Variants in FAM13A observed in about 807,000 individuals in gnomAD.
FAM13A encodes family with sequence similarity 13 member A.
In FAM13A, 76 loss-of-function variants were observed where a neutral mutation model predicts 129.6. The observed-to-expected ratio is 0.59, with a 90% confidence interval of 0.49 to 0.71. The LOEUF (loss-of-function observed/expected upper bound fraction) is 0.71. Among genes scored for constraint, FAM13A ranks in the 30% least tolerant of loss-of-function variants. The pLI, the probability that FAM13A is intolerant of heterozygous loss-of-function variation, is 0.00. For synonymous variants in FAM13A, 443 were observed against 449.9 expected (o/e 0.98, Z 0.20); for missense variants, 1,108 against 1,249.3 (o/e 0.89, Z 1.70).
intron 6 of FAM13A, among the ~76,000 whole-genome samples, chr4:88,858,037 T>C (rs1223890034): frequency 6.6e-6 from 1 of 152,234 alleles, no homozygotes; most frequent in Non-Finnish European, 1.5e-5. Context: ...AATCTGCCAC[T>C]TAAAAATAGT....
intron 13 of FAM13A, among the ~76,000 whole-genome samples, chr4:88,764,580 T>C (rs572211564): frequency 6.6e-6 from 1 of 152,262 alleles, no homozygotes; most frequent in South Asian, 2.1e-4. Context: ...ATCTAGAAAT[T>C]GCTAGTTTTA....
chr4:88,749,679 C>T (rs927022821), intron 16 of FAM13A, 92 bp downstream of exon 16: 1 of 1,371,970 alleles, frequency 7.3e-7, no homozygotes, highest in Non-Finnish European at 1.0e-6. Context: ...TAGAAGCCTC[C>T]CTTAACCTTT....
rs929875229 is a variant in FAM13A at position 88,851,144 on chromosome 4, T to C, written c.883A>G (p.Arg295Gly). Residue 295 changes from arginine (R) to glycine (G), a missense_variant, in exon 7 of 24, where the codon AGA becomes GGA. Physicochemically the swap from Arg to Gly is moderately radical, Grantham distance 125. Coordinates refer to ENST00000264344, the MANE Select transcript of FAM13A (RefSeq NM_014883.4). ...TCAGATAGCTCTGGTTGCAGTACTC[T>C]GTGGGCCTGAATAGATCCCTCACTC... ...SRSEGSIQAHRVLQPELSDGI... is the reference protein window; with the variant it reads ...SRSEGSIQAHGVLQPELSDGI... The C allele has an allele frequency of 1.2e-6, 2 of 1,613,280 alleles. No individual in the cohort carries two copies. Among genetic ancestry groups the C allele is most frequent in the African/African-American group, 1.3e-5 (1 of 74,660 alleles).
At chr4:88,973,038 C>T (rs947492645) in intron 4 of FAM13A, among the ~76,000 whole-genome samples, 1 of 152,130 alleles carries the variant, frequency 6.6e-6, no homozygotes, top group African/African-American at 2.4e-5. Context: ...TAGAGCTTAC[C>T]TCTTTGCTCC....
chr4:88,855,001 G>A (rs575885186), intron 6 of FAM13A, among the ~76,000 whole-genome samples: 22 of 152,254 alleles, frequency 1.4e-4, no homozygotes, highest in African/African-American at 3.9e-4. Flanking sequence ...GTCAAGAGCT[G>A]TTATTATTAT....
At chr4:88,909,432 G>A (rs1748678717) in intron 5 of FAM13A, among the ~76,000 whole-genome samples, 1 of 152,134 alleles carries the variant, frequency 6.6e-6, no homozygotes, top group Non-Finnish European at 1.5e-5. Flanking sequence ...ATTGCCAGGG[G>A]TTGGGAGGAG....
At chr4:88,740,572 A>AACAG (rs1740030513) in intron 19 of FAM13A, among the ~76,000 whole-genome samples, 1 of 152,216 alleles carries the variant, frequency 6.6e-6, no homozygotes, top group African/African-American at 2.4e-5. Context: ...GCATTCTCTT[A>AACAG]CTATTTCACA....
chr4:88,821,191 C>CA (rs2149829808), intron 7 of FAM13A, among the ~76,000 whole-genome samples: 1 of 152,310 alleles, frequency 6.6e-6, no homozygotes, highest in Admixed American at 6.5e-5. Context: ...GACAACCGCA[C>CA]AAACCTGGTC....
At chr4:88,920,255 AC>A (rs940949331) in intron 5 of FAM13A, among the ~76,000 whole-genome samples, 1 of 151,724 alleles carries the variant, frequency 6.6e-6, no homozygotes, top group African/African-American at 2.4e-5. Flanking sequence ...CCTCAAGTGG[AC>A]CCCTGACCCC....
chr4:89,036,759 C>A (rs182645841), intron 1 of FAM13A, among the ~76,000 whole-genome samples: 2 of 152,214 alleles, frequency 1.3e-5, no homozygotes, highest in African/African-American at 4.8e-5. Flanking sequence ...TCTGCTCAGC[C>A]GCAGGACACT....
intron 5 of FAM13A, among the ~76,000 whole-genome samples, chr4:88,927,136 C>A (rs1409101872): frequency 1.3e-5 from 2 of 152,054 alleles, no homozygotes; most frequent in Non-Finnish European, 2.9e-5. Flanking sequence ...TTTTTTTCCA[C>A]CGGTGTTTTT....
intron 4 of FAM13A, among the ~76,000 whole-genome samples, chr4:88,966,238 T>C (rs1188892699): frequency 6.6e-6 from 1 of 152,208 alleles, no homozygotes; most frequent in Non-Finnish European, 1.5e-5. Flanking sequence ...TGATTGCTTT[T>C]CCCAAAATAA....
At chr4:88,741,050 C>A (rs1344234382) in intron 19 of FAM13A, among the ~76,000 whole-genome samples, 3 of 152,200 alleles carry the variant, frequency 2.0e-5, no homozygotes, top group Non-Finnish European at 1.5e-5. Flanking sequence ...TGTTGAACAT[C>A]TGGAACTCTC....
At chr4:89,034,873 C>G (rs756798952) in intron 1 of FAM13A, among the ~76,000 whole-genome samples, 7 of 152,054 alleles carry the variant, frequency 4.6e-5, no homozygotes, top group Non-Finnish European at 1.0e-4. Flanking sequence ...CAGAGTGAGA[C>G]TGTCTGAAAA....
intron 7 of FAM13A, among the ~76,000 whole-genome samples, chr4:88,829,153 A>G (rs1578852114): frequency 6.6e-6 from 1 of 152,228 alleles, no homozygotes; most frequent in Non-Finnish European, 1.5e-5. Flanking sequence ...GTATTTTCAG[A>G]TATTGTTTTA....
At chr4:88,921,086 G>C (rs917141307) in intron 5 of FAM13A, among the ~76,000 whole-genome samples, 3 of 152,208 alleles carry the variant, frequency 2.0e-5, no homozygotes, top group African/African-American at 7.2e-5. Flanking sequence ...TGGTGTACCT[G>C]AAAGTGACGG....
intron 11 of FAM13A, among the ~76,000 whole-genome samples, chr4:88,773,481 T>C (rs1721090787): frequency 6.6e-6 from 1 of 152,186 alleles, no homozygotes; most frequent in South Asian, 2.1e-4. Context: ...GCAATTTCTT[T>C]ATTCTAATTT....
chr4:88,802,548 G>C (rs1199299205), intron 8 of FAM13A, among the ~76,000 whole-genome samples: 5 of 152,194 alleles, frequency 3.3e-5, no homozygotes. Flanking sequence ...GAAGGTAACT[G>C]AAATATATGG....
intron 11 of FAM13A, among the ~76,000 whole-genome samples, chr4:88,779,324 G>A (rs1722382260): frequency 6.6e-6 from 1 of 152,114 alleles, no homozygotes; most frequent in African/African-American, 2.4e-5. Context: ...GAAAGTTGGG[G>A]AAAGTAGAAT....
Sources: gnomAD v4.1 joint callset for allele counts (sites outside exome capture counted in the v4.1 genomes callset) on GRCh38, gnomAD v4.1.1 for gene constraint, MANE v1.5 for transcripts, NCBI Gene and HGNC (gene_info 2026-07-23, HGNC 2026-07-21) for gene names.